The following ZMYM6 variants were observed in gnomAD, a reference collection of about 807,000 sequenced individuals.
ZMYM6 encodes the protein zinc finger MYM-type protein 6.
In ZMYM6, 90 loss-of-function variants were observed where a neutral mutation model predicts 134.0. The ratio of observed to expected loss-of-function variants is 0.67; its 90% CI spans 0.57 to 0.80. The LOEUF (loss-of-function observed/expected upper bound fraction) is 0.80. Among genes scored for constraint, ZMYM6 ranks in the 30% least tolerant of loss-of-function variants. The probability of loss-of-function intolerance (pLI) is 0.00; values close to 1 mark genes in which losing one functional copy is unlikely to be tolerated. For missense variants in ZMYM6, 1,362 were observed against 1,533.9 expected, an observed-to-expected ratio of 0.89 and a Z score of 1.87; for synonymous variants, 481 against 524.1, an observed-to-expected ratio of 0.92 and a Z score of 1.12.
At chr1:35,005,629 C>CAAAAAA (rs1182722333) in intron 12 of ZMYM6, among the ~76,000 whole-genome samples, 7 of 59,306 alleles carry the variant, frequency 1.2e-4, no homozygotes, top group African/African-American at 3.1e-4. Context: ...AACCTAGTCT[C>CAAAAAA]AAAAAAAAAA....
At chr1:34,992,667 T>A (rs1471945172) in intron 14 of ZMYM6, among the ~76,000 whole-genome samples, 4 of 146,092 alleles carry the variant, frequency 2.7e-5, no homozygotes, top group South Asian at 2.2e-4. Flanking sequence ...AAACTATAAA[T>A]ATAAAAATAT....
chr1:35,028,439 A>G (rs1311641950), intron 2 of ZMYM6, among the ~76,000 whole-genome samples: 1 of 152,162 alleles, frequency 6.6e-6, no homozygotes, highest in Non-Finnish European at 1.5e-5. Context: ...GTGTAAAGCG[A>G]AAGAACTGTC....
chr1:35,016,936 T>G (rs545844174), intron 4 of ZMYM6, among the ~76,000 whole-genome samples: 1 of 151,104 alleles, frequency 6.6e-6, no homozygotes, highest in Admixed American at 6.6e-5. Context: ...GCCCGGGAGG[T>G]AGAGGCTGCA....
intron 8 of ZMYM6, 96 bp from the exon 9 acceptor site, chr1:35,011,132 C>G: frequency 7.5e-7 from 1 of 1,331,546 alleles, no homozygotes; most frequent in South Asian, 1.5e-5. Context: ...AAGTCTCCCA[C>G]AAACATTTTT....
At chr1:35,022,386 C>G (rs951454666) in intron 2 of ZMYM6, among the ~76,000 whole-genome samples, 1 of 152,096 alleles carries the variant, frequency 6.6e-6, no homozygotes, top group African/African-American at 2.4e-5. Flanking sequence ...TCCTCAGCCT[C>G]CTGGGTAGCT....
Position 34,999,926 on chromosome 1 carries a change from T to TTTTA in ZMYM6, c.1992+4038_1992+4041dup, listed in dbSNP as rs571506644. Among the ~76,000 whole-genome samples, 38 of 152,174 alleles carry TTTTA rather than the reference T, an allele frequency of 2.5e-4. No homozygotes were observed. The East Asian group carries it at 6.2e-3, about 25-fold the overall frequency. ...CAAGGATATTCACTGTAGCGGATAT[T>TTTTA]TTTATTTATTTATTTATTTAGAGAC... On this transcript the variant is annotated intron_variant, in intron 14 of 15. Coordinates refer to ENST00000357182, the MANE Select transcript of ZMYM6 (RefSeq NM_007167.4).
At chr1:34,990,148 T>G in intron 15 of ZMYM6, 1 of 170,508 alleles carries the variant, frequency 5.9e-6, no homozygotes, top group Non-Finnish European at 1.3e-5. Context: ...ATGTAACTTT[T>G]CAGGAGGGCA....
chr1:35,030,558 C>G lies in ZMYM6; in HGVS notation c.82G>C (p.Asp28His), dbSNP rs139761789. ...ELLDKIKEEP[D>H]NAQEYGCVQQ... ...GATGAAATGCTTACTTGAGCATTGT[C>G]TGGTTCTTCTTTAATTTTGTCCAGA... is the stretch of plus-strand genomic sequence containing the variant. The change falls in exon 2 of 16, where the codon GAC becomes CAC. Residue 28 changes from aspartate to histidine, a missense_variant. Around this residue, in one of 3 missense-constraint regions of ZMYM6, gnomAD observed 503 missense variants for 520.8 expected, o/e 0.97. Coordinates refer to ENST00000357182, the MANE Select transcript of ZMYM6 (RefSeq NM_007167.4). The G allele has an allele frequency of 6.4e-4, 1,026 of 1,611,978 alleles. 3 individuals are homozygous for G. Among genetic ancestry groups the G allele is most frequent in the Middle Eastern group, 1.6e-3 (10 of 6,082 alleles).
intron 14 of ZMYM6, among the ~76,000 whole-genome samples, chr1:34,993,707 G>A (rs930089590): frequency 2.0e-5 from 3 of 150,254 alleles, no homozygotes; most frequent in Non-Finnish European, 3.0e-5. Flanking sequence ...TTTTTGAGAC[G>A]GAGTCTCGCT....
chr1:34,991,394 G>A lies in ZMYM6; in HGVS notation c.2146+840C>T, dbSNP rs373239703. On this transcript the variant is annotated intron_variant, in intron 15 of 15. Coordinates refer to ENST00000357182, the MANE Select transcript of ZMYM6 (RefSeq NM_007167.4). ...CTGCTTGACTTCTACCAAAATAAAG[G>A]TACCCTACATAAAAACTTACTACTT... 7.9e-4 allele frequency among the ~76,000 whole-genome samples: 120 copies of A among 152,124 alleles called. 2 individuals are homozygous for A. In the South Asian group the frequency reaches 0.019, roughly 24 times the overall value.
intron 3 of ZMYM6, 109 bp from the exon 4 acceptor site, chr1:35,019,711 C>T: frequency 3.1e-6 from 4 of 1,300,482 alleles, no homozygotes; most frequent in Non-Finnish European, 4.1e-6. Flanking sequence ...GTCTCACTGT[C>T]ACCCAGGCTG....
chr1:35,022,723 C>T (rs555192009), intron 2 of ZMYM6, among the ~76,000 whole-genome samples: 2 of 151,994 alleles, frequency 1.3e-5, no homozygotes, highest in African/African-American at 2.4e-5. Flanking sequence ...CATAGTAAAT[C>T]ATTTCATTGC....
Position 35,008,755 on chromosome 1 carries a change from A to G in ZMYM6, c.1662T>C (p.Tyr554=), listed in dbSNP as rs1270568108. The change falls in exon 11 of 16, where the codon TAT becomes TAC. Residue 554 remains tyrosine, a synonymous_variant. Coordinates refer to ENST00000357182, the MANE Select transcript of ZMYM6 (RefSeq NM_007167.4). ...DCMSKFTVLF[Y]QMAKCDGCKR... is the part of the protein sequence containing the mutation. Reference sequence around the variant, plus strand: ...AAAAGTATATTATCACATTTACCTGATAAAACAGAACTGTAAATTTGGACA... The same window carrying G: ...AAAAGTATATTATCACATTTACCTGGTAAAACAGAACTGTAAATTTGGACA... 2 of 1,612,336 alleles carry G rather than the reference A, an allele frequency of 1.2e-6. No homozygotes were observed. Among genetic ancestry groups the G allele is most frequent in the Admixed American group, 3.4e-5 (2 of 59,572 alleles).
chr1:34,993,081 A>T (rs1328415827), intron 14 of ZMYM6, among the ~76,000 whole-genome samples: 1 of 150,046 alleles, frequency 6.7e-6, no homozygotes, highest in South Asian at 2.1e-4. Context: ...AGAACTTTCA[A>T]ATAAACAGAT....
At chr1:35,028,261 A>G (rs1382806248) in intron 2 of ZMYM6, among the ~76,000 whole-genome samples, 2 of 150,646 alleles carry the variant, frequency 1.3e-5, no homozygotes, top group African/African-American at 4.9e-5. Context: ...GGTTGCAGTG[A>G]GCCAAGATCG....
At chr1:35,022,353 C>A (rs1008190849) in intron 2 of ZMYM6, among the ~76,000 whole-genome samples, 1 of 152,252 alleles carries the variant, frequency 6.6e-6, no homozygotes, top group East Asian at 1.9e-4. Context: ...TCACTGCAAC[C>A]TCTCCCTCCC....
intron 9 of ZMYM6, 26 bp from the exon 10 acceptor site, chr1:35,010,623 G>C: frequency 6.3e-7 from 1 of 1,589,306 alleles, no homozygotes; most frequent in Non-Finnish European, 8.5e-7. Flanking sequence ...AGTCCATTAA[G>C]AGCCAACTAA....
chr1:35,011,821 CA>C, intron 8 of ZMYM6, 68 bp downstream of exon 8: 23 of 1,096,352 alleles, frequency 2.1e-5, no homozygotes, highest in Non-Finnish European at 2.9e-5. Flanking sequence ...AGGCCTTCAG[CA>C]GTTAACACTG....
intron 2 of ZMYM6, 79 bp from the exon 3 acceptor site, chr1:35,020,546 A>G: frequency 9.7e-7 from 1 of 1,031,010 alleles, no homozygotes. Context: ...GCAAAAAAAA[A>G]TTATTCTATC....
Sources: allele counts gnomAD v4.1 joint callset (sites outside exome capture counted in the v4.1 genomes callset), GRCh38; gene constraint gnomAD v4.1.1; regional missense constraint gnomAD v4.1.1; transcripts MANE v1.5; gene names NCBI Gene and HGNC (gene_info 2026-07-23, HGNC 2026-07-21).